DST: variants seen among roughly 807,000 people sequenced by gnomAD.
The protein encoded by DST is bullous pemphigoid antigen.
Under a neutral mutation model 875.2 loss-of-function variants are expected in DST, and 253 were observed. That is an observed-to-expected ratio of 0.29 (90% confidence interval 0.26 to 0.32). DST has a LOEUF of 0.32. Among genes scored for constraint, DST ranks in the 10% least tolerant of loss-of-function variants. The probability of loss-of-function intolerance (pLI) is 1.00; values close to 1 mark genes in which losing one functional copy is unlikely to be tolerated. For missense variants in DST, 8,287 were observed against 9,111.6 expected (o/e 0.91, Z 3.68); for synonymous variants, 3,124 against 3,197.1 (o/e 0.98, Z 0.77).
intron 4 of DST, among the ~76,000 whole-genome samples, chr6:56,736,834 A>C (rs900974658): frequency 2.4e-4 from 36 of 152,218 alleles, no homozygotes; most frequent in African/African-American, 8.7e-4. Flanking sequence ...TTAACATTTT[A>C]ATACATAAGC....
intron 100 of DST, chr6:56,464,379 G>C (rs941583447): frequency 7.6e-6 from 3 of 395,238 alleles, no homozygotes; most frequent in Non-Finnish European, 1.4e-5. Context: ...CAGACCCAAG[G>C]ATCTGTGAGG....
Position 56,605,884 on chromosome 6 carries a change from A to G in DST, c.8744T>C (p.Met2915Thr), listed in dbSNP as rs1316518583. 6.2e-7 allele frequency: 1 copy of G among 1,612,704 alleles called. No homozygotes were observed. The highest frequency in any genetic ancestry group is 8.5e-7 in the Non-Finnish European group (1 of 1,179,336). ...AGGCGGCAATACATCCTTAAGTACC[A>G]TCTCATGGTTCAACAGATTTTCTTT... ...KSKENLLNHEMVLKDVLPPII... is the reference protein window; with the variant it reads ...KSKENLLNHETVLKDVLPPII... Residue 2915 changes from methionine to threonine, a missense_variant, in exon 40 of 104, where the codon ATG becomes ACG. This residue lies in a region of DST where 3,138 missense variants were observed against 3,116.6 expected (regional missense o/e 1.01). Coordinates refer to ENST00000680361, the MANE Select transcript of DST (RefSeq NM_001374736.1).
chr6:56,843,062 C>T, intron 4 of DST: 1 of 1,523,284 alleles, frequency 6.6e-7, no homozygotes, highest in South Asian at 1.3e-5. Context: ...TACCTTTGTA[C>T]CTCTCCAGGA....
At chr6:56,693,372 G>T in intron 9 of DST, 1 of 1,121,542 alleles carries the variant, frequency 8.9e-7, no homozygotes, top group Non-Finnish European at 1.1e-6. Context: ...AGACACTGTG[G>T]CTTATTTCTG....
At chr6:56,565,643 G>A (rs1005917230) in intron 55 of DST, among the ~76,000 whole-genome samples, 7 of 152,172 alleles carry the variant, frequency 4.6e-5, no homozygotes, top group Non-Finnish European at 1.0e-4. Flanking sequence ...GACCCCTGCT[G>A]GGAGGTGTCT....
chr6:56,693,526 T>A, intron 9 of DST: 1 of 443,574 alleles, frequency 2.3e-6, no homozygotes, highest in South Asian at 9.5e-5. Flanking sequence ...GATACACTAA[T>A]GAAGTTTGCA....
chr6:56,927,028 G>A (rs1807556518), intron 2 of DST, among the ~76,000 whole-genome samples: 1 of 152,220 alleles, frequency 6.6e-6, no homozygotes, highest in Non-Finnish European at 1.5e-5. Context: ...GAGCAGGTAA[G>A]AGGGAGAATT....
At chr6:56,743,369 T>A (rs1284441844) in intron 4 of DST, among the ~76,000 whole-genome samples, 1 of 152,214 alleles carries the variant, frequency 6.6e-6, no homozygotes. Context: ...CCAAAATGCT[T>A]TAAAACATCT....
chr6:56,735,648 C>T (rs1453034932), intron 4 of DST, among the ~76,000 whole-genome samples: 1 of 152,004 alleles, frequency 6.6e-6, no homozygotes, highest in African/African-American at 2.4e-5. Context: ...ATCCCATTTG[C>T]TCTTCACAGC....
chr6:56,628,225 T>C, intron 32 of DST, 64 bp from the exon 33 acceptor site: 1 of 1,429,350 alleles, frequency 7.0e-7, no homozygotes. Context: ...GTGGAAGATG[T>C]AGAGATGGGA....
chr6:56,670,586 G>T, intron 10 of DST, 55 bp downstream of exon 10: 1 of 1,117,320 alleles, frequency 8.9e-7, no homozygotes, highest in Non-Finnish European at 1.2e-6. Context: ...AAAATTCAGA[G>T]ATGAAAGAAA....
chr6:56,502,847 T>C (rs1032767466), intron 78 of DST, among the ~76,000 whole-genome samples: 1 of 152,138 alleles, frequency 6.6e-6, no homozygotes, highest in African/African-American at 2.4e-5. Flanking sequence ...CCAGATAATA[T>C]TTTCACATAA....
chr6:56,670,385 G>C, intron 10 of DST: 2 of 253,988 alleles, frequency 7.9e-6, no homozygotes, highest in Non-Finnish European at 1.5e-5. Context: ...TTTTTGTAGA[G>C]AGAGGGTTTT....
Position 56,578,901 on chromosome 6 carries a change from C to G in DST, c.12940G>C (p.Val4314Leu). The change falls in exon 50 of 104, where the codon GTA becomes CTA. Residue 4314 changes from valine (V) to leucine (L), a missense_variant. Transcript: ENST00000680361. The part of the protein sequence containing the change: ...QGQISSQQVA[V>L]EKLKKTAEVL... ...TCAGCCGTTTTCTTCAGTTTCTCTA[C>G]AGCAACCTGCTGACTTGATATCTGT... 6.2e-7 allele frequency: 1 copy of G among 1,604,160 alleles called. No homozygotes were observed. The highest frequency in any genetic ancestry group is 2.2e-5 in the East Asian group (1 of 44,624).
intron 4 of DST, among the ~76,000 whole-genome samples, chr6:56,742,950 T>C (rs1425526127): frequency 2.0e-5 from 3 of 152,224 alleles, no homozygotes; most frequent in African/African-American, 7.2e-5. Flanking sequence ...AGTTTAAAGC[T>C]GTGAAAATTA....
rs138728355 is a variant in DST at position 56,596,862 on chromosome 6, G to C, written c.12195+878C>G. The stretch of plus-strand genomic sequence containing the variant: ...TAATGTTAGCTTTAATTTATGTCAT[G>C]GAGTAAATTGGTAGAAGGGCTTTTA... On this transcript the variant is annotated intron_variant, in intron 47 of 103. Transcript: ENST00000680361. 3.9e-5 allele frequency among the ~76,000 whole-genome samples: 6 copies of C among 152,336 alleles called. No homozygotes were observed. The East Asian group carries it at 1.2e-3, about 29-fold the overall frequency.
intron 98 of DST, among the ~76,000 whole-genome samples, chr6:56,467,753 C>G (rs2094655747): frequency 6.6e-6 from 1 of 152,138 alleles, no homozygotes; most frequent in Non-Finnish European, 1.5e-5. Flanking sequence ...ATTAGGCATT[C>G]TCCAGACAAC....
Position 56,469,105 on chromosome 6 carries a change from A to G in DST, c.22552-106T>C, listed in dbSNP as rs1029514197. On this transcript the variant is annotated intron_variant, in intron 97 of 103. Transcript: ENST00000680361. Reference sequence around the variant, plus strand: ...ACTCACACTCTGTGCTTCTGGATGTAGTATCTAGTTTAGAGATGTGCAGGC... The same window carrying G: ...ACTCACACTCTGTGCTTCTGGATGTGGTATCTAGTTTAGAGATGTGCAGGC... The G allele has an allele frequency of 4.4e-5, 38 of 860,098 alleles. No homozygotes were observed. In the East Asian group the frequency reaches 1.1e-3, roughly 25 times the overall value. 53.3% of individuals were successfully genotyped at this position (860,098 alleles called of 1,614,324 possible). A position where few individuals can be genotyped will look rare whatever the true frequency, so the allele number is the denominator to read the frequency against.
Position 56,494,139 on chromosome 6 carries a change from C to G in DST, c.20265G>C (p.Lys6755Asn). ...AAFEAKEETY[K>N]SLMQKGQQML... ...TCTGCTGGCCTTTCTGCATCAGACT[C>G]TTATATGTTTCTTCTTTAGCTTCAA... Residue 6755 changes from lysine (K) to asparagine (N), a missense_variant, in exon 83 of 104, where the codon AAG becomes AAC. Around this residue, in one of 10 missense-constraint regions of DST, gnomAD observed 1,292 missense variants for 1,552.7 expected, o/e 0.83. Transcript: ENST00000680361. The G allele has an allele frequency of 6.2e-7, 1 of 1,609,296 alleles. No homozygotes were observed. The highest frequency in any genetic ancestry group is 8.5e-7 in the Non-Finnish European group (1 of 1,177,098).
Sources: allele counts gnomAD v4.1 joint callset (sites outside exome capture counted in the v4.1 genomes callset), GRCh38; gene constraint gnomAD v4.1.1; regional missense constraint gnomAD v4.1.1; transcripts MANE v1.5; gene names NCBI Gene and HGNC (gene_info 2026-07-23, HGNC 2026-07-21).